Variants in AKT3 observed in about 807,000 individuals in gnomAD.
The protein encoded by AKT3 is AKT serine/threonine kinase 3.
A neutral mutation model predicts 65.3 loss-of-function variants in AKT3; 15 were observed. The observed-to-expected ratio is 0.23, with a 90% confidence interval of 0.15 to 0.35. The LOEUF is 0.35. AKT3 is among the 10% of genes least tolerant of loss of function. The pLI, the probability that AKT3 is intolerant of heterozygous loss-of-function variation, is 1.00. For missense variants in AKT3, 243 were observed against 576.5 expected (o/e 0.42, Z 5.92); for synonymous variants, 206 against 183.8 (o/e 1.12, Z -0.98).
chr1:243,500,110 C>G lies in AKT3; in HGVS notation c.*5139G>C. 1 of 374,962 alleles carries G rather than the reference C, an allele frequency of 2.7e-6. No homozygotes were observed. The highest frequency in any genetic ancestry group is 4.8e-6 in the Non-Finnish European group (1 of 207,426). 23.2% of individuals were successfully genotyped at this position (374,962 alleles called of 1,614,324 possible). A position where few individuals can be genotyped will look rare whatever the true frequency, so the allele number is the denominator to read the frequency against. ...TTAAAGACTTGAGTTGTAATGTTTC[C>G]TTTTTATCTTGTAGTGATGAACAAA... On this transcript the variant is annotated 3_prime_UTR_variant, in exon 14 of 14. Coordinates refer to ENST00000673466, the MANE Select transcript of AKT3 (RefSeq NM_005465.7).
At chr1:243,590,456 C>T (rs528099092) in intron 8 of AKT3, among the ~76,000 whole-genome samples, 2 of 151,668 alleles carry the variant, frequency 1.3e-5, no homozygotes, top group South Asian at 2.1e-4. Context: ...ATCCAATCAA[C>T]GTTTACTAAA....
At chr1:243,521,346 A>C (rs1473920261) in intron 12 of AKT3, among the ~76,000 whole-genome samples, 1 of 152,232 alleles carries the variant, frequency 6.6e-6, no homozygotes, top group Non-Finnish European at 1.5e-5. Context: ...CTCTGAAACA[A>C]CATGAGAAAG....
intron 8 of AKT3, among the ~76,000 whole-genome samples, chr1:243,581,293 TC>T (rs1675328319): frequency 1.3e-5 from 2 of 152,170 alleles, no homozygotes; most frequent in Admixed American, 1.3e-4. Context: ...CATGGTACAT[TC>T]CATGAATTGG....
intron 2 of AKT3, among the ~76,000 whole-genome samples, chr1:243,696,867 T>C (rs924213653): frequency 5.3e-5 from 8 of 152,172 alleles, no homozygotes; most frequent in African/African-American, 1.9e-4. Context: ...ATCTTGTGTG[T>C]ACCACTTTAT....
intron 2 of AKT3, among the ~76,000 whole-genome samples, chr1:243,701,128 G>A (rs776994333): frequency 6.6e-6 from 1 of 152,178 alleles, no homozygotes; most frequent in South Asian, 2.1e-4. Flanking sequence ...AGCTGAAGTC[G>A]TAAGCGCCAA....
intron 2 of AKT3, among the ~76,000 whole-genome samples, chr1:243,797,357 A>G (rs777922208): frequency 3.3e-5 from 5 of 152,266 alleles, no homozygotes; most frequent in Admixed American, 2.6e-4. Context: ...TCTCTCCGCC[A>G]GTTACAGAGT....
At chr1:243,549,209 T>C (rs749846290) in intron 11 of AKT3, among the ~76,000 whole-genome samples, 3 of 152,162 alleles carry the variant, frequency 2.0e-5, no homozygotes, top group Non-Finnish European at 2.9e-5. Flanking sequence ...TGGTTTTATA[T>C]AGAAACTTCA....
At chr1:243,738,081 T>C (rs1687944734) in intron 2 of AKT3, among the ~76,000 whole-genome samples, 1 of 152,240 alleles carries the variant, frequency 6.6e-6, no homozygotes, top group African/African-American at 2.4e-5. Flanking sequence ...ATGTTTGTTT[T>C]TGCAGGTTAG....
chr1:243,814,563 C>G (rs559981949), intron 2 of AKT3: 8 of 152,190 alleles, frequency 5.3e-5, no homozygotes, highest in African/African-American at 1.2e-4. Context: ...GATACACAGT[C>G]ATCCCATGAT....
chr1:243,782,680 G>C (rs1167095500), intron 2 of AKT3, among the ~76,000 whole-genome samples: 1 of 152,174 alleles, frequency 6.6e-6, no homozygotes, highest in African/African-American at 2.4e-5. Flanking sequence ...GAACAATGCT[G>C]ATGAATTATT....
chr1:243,614,794 C>T (rs1678173464), intron 7 of AKT3, among the ~76,000 whole-genome samples: 2 of 151,992 alleles, frequency 1.3e-5, no homozygotes, highest in South Asian at 4.2e-4. Flanking sequence ...TCAATAGTCT[C>T]CTTAAAATGC....
chr1:243,559,240 A>C (rs1036153055), intron 10 of AKT3, among the ~76,000 whole-genome samples: 3 of 152,134 alleles, frequency 2.0e-5, no homozygotes, highest in African/African-American at 7.2e-5. Context: ...TATACATACA[A>C]ATGCAGTTTT....
Position 243,841,674 on chromosome 1 carries a change from A to C in AKT3, c.46+1451T>G, listed in dbSNP as rs191370594. Among the ~76,000 whole-genome samples, 5 of 152,296 alleles carry C rather than the reference A, an allele frequency of 3.3e-5. No homozygotes were observed. In the East Asian group the frequency reaches 9.6e-4, roughly 29 times the overall value. On this transcript the variant is annotated intron_variant, in intron 2 of 13. Coordinates refer to ENST00000673466, the MANE Select transcript of AKT3 (RefSeq NM_005465.7). ...ATATGACCCAGCAATATCATTCCTA[A>C]GTTATTACCCAAGACAAATGAAAAC... is the stretch of plus-strand genomic sequence containing the variant.
chr1:243,522,514 C>G (rs886907142), intron 12 of AKT3, among the ~76,000 whole-genome samples: 1 of 151,956 alleles, frequency 6.6e-6, no homozygotes, highest in African/African-American at 2.4e-5. Context: ...TAAAAATTAC[C>G]CAGGTATGGT....
intron 11 of AKT3, among the ~76,000 whole-genome samples, chr1:243,545,954 A>T (rs1672641104): frequency 6.6e-6 from 1 of 152,190 alleles, no homozygotes; most frequent in East Asian, 1.9e-4. Flanking sequence ...TGCAAGGGTT[A>T]GAAACAACAT....
At chr1:243,727,375 C>A (rs183313827) in intron 2 of AKT3, among the ~76,000 whole-genome samples, 1 of 152,036 alleles carries the variant, frequency 6.6e-6, no homozygotes, top group Non-Finnish European at 1.5e-5. Context: ...CTCAACACAG[C>A]CTTGACCTCC....
intron 2 of AKT3, among the ~76,000 whole-genome samples, chr1:243,819,761 C>A (rs1327045287): frequency 1.3e-5 from 2 of 152,206 alleles, no homozygotes; most frequent in African/African-American, 4.8e-5. Flanking sequence ...CAGGTCGGTG[C>A]CCCTCTGGGA....
intron 2 of AKT3, among the ~76,000 whole-genome samples, chr1:243,774,486 T>C (rs148646908): frequency 4.9e-4 from 75 of 152,322 alleles, no homozygotes; most frequent in African/African-American, 1.7e-3. Context: ...TCTATAATTG[T>C]TTGTATTTTT....
intron 3 of AKT3, among the ~76,000 whole-genome samples, chr1:243,676,774 G>C (rs186298245): frequency 6.6e-6 from 1 of 152,186 alleles, no homozygotes; most frequent in Admixed American, 6.5e-5. Flanking sequence ...TGTTCGTTAT[G>C]ACTCTTGGAA....
Sources: allele counts gnomAD v4.1 joint callset (sites outside exome capture counted in the v4.1 genomes callset), GRCh38; gene constraint gnomAD v4.1.1; transcripts MANE v1.5; gene names NCBI Gene and HGNC (gene_info 2026-07-23, HGNC 2026-07-21).